Variants in SORCS2 observed in about 807,000 individuals in gnomAD.
The protein encoded by SORCS2 is VPS10 domain-containing receptor SorCS2.
Under a neutral mutation model 141.6 loss-of-function variants are expected in SORCS2, and 100 were observed. The observed-to-expected ratio is 0.71, with a 90% CI of 0.60 to 0.83. The LOEUF is 0.83. Ranked by LOEUF, SORCS2 falls within the 40% of genes least tolerant of loss-of-function variation. SORCS2 has a pLI of 0.00. For missense variants in SORCS2, 1,646 were observed against 1,560.2 expected, an observed-to-expected ratio of 1.05 and a Z score of -0.93; for synonymous variants, 789 against 676.9, an observed-to-expected ratio of 1.17 and a Z score of -2.57.
At chr4:7,488,176 G>A (rs1731108053) in intron 2 of SORCS2, among the ~76,000 whole-genome samples, 1 of 152,206 alleles carries the variant, frequency 6.6e-6, no homozygotes, top group South Asian at 2.1e-4. Flanking sequence ...CTCAGGCAAG[G>A]GCCAGGCTCC....
intron 2 of SORCS2, among the ~76,000 whole-genome samples, chr4:7,526,841 G>C (rs62280206): frequency 0.058 from 8,875 of 152,304 alleles, 286 homozygotes; most frequent in South Asian, 0.075. Flanking sequence ...TTAAAATAAA[G>C]AACAGGTGAA....
intron 10 of SORCS2, among the ~76,000 whole-genome samples, chr4:7,687,956 A>G (rs1259400728): frequency 6.6e-6 from 1 of 152,206 alleles, no homozygotes; most frequent in Non-Finnish European, 1.5e-5. Context: ...GGCATTGCTC[A>G]TGGGTGAATC....
chr4:7,526,294 C>T (rs1338038351), intron 2 of SORCS2, among the ~76,000 whole-genome samples: 1 of 152,210 alleles, frequency 6.6e-6, no homozygotes, highest in African/African-American at 2.4e-5. Context: ...GGAATAGAAT[C>T]GGAGCCATTG....
At chr4:7,508,656 T>C (rs1450729438) in intron 2 of SORCS2, among the ~76,000 whole-genome samples, 1 of 152,162 alleles carries the variant, frequency 6.6e-6, no homozygotes, top group Non-Finnish European at 1.5e-5. Context: ...TTTATACTTA[T>C]TTTTCTTCTA....
intron 3 of SORCS2, among the ~76,000 whole-genome samples, chr4:7,583,592 G>A (rs1716326371): frequency 6.6e-6 from 1 of 152,170 alleles, no homozygotes; most frequent in Admixed American, 6.5e-5. Context: ...CTGTTCTCAT[G>A]GTAGTGAATA....
At chr4:7,391,224 C>T (rs530863465) in intron 1 of SORCS2, among the ~76,000 whole-genome samples, 1 of 152,324 alleles carries the variant, frequency 6.6e-6, no homozygotes, top group East Asian at 1.9e-4. Flanking sequence ...TCATGCTGTT[C>T]ACAGGTGAAG....
intron 1 of SORCS2, among the ~76,000 whole-genome samples, chr4:7,251,876 G>A (rs7659846): frequency 0.15 from 23,012 of 152,100 alleles, 1,990 homozygotes; most frequent in African/African-American, 0.23. Flanking sequence ...ATTGCATCCG[G>A]GACAGAATTG....
chr4:7,466,766 G>C (rs112628488), intron 2 of SORCS2, among the ~76,000 whole-genome samples: 1,540 of 152,292 alleles, frequency 0.01, 21 homozygotes, highest in African/African-American at 0.035. Context: ...CAGCTTTCTG[G>C]CTGGGCGATT....
chr4:7,468,474 G>A (rs1729754375), intron 2 of SORCS2, among the ~76,000 whole-genome samples: 1 of 152,242 alleles, frequency 6.6e-6, no homozygotes, highest in Non-Finnish European at 1.5e-5. Flanking sequence ...AAAAAGATGT[G>A]TGCATAGCGT....
At chr4:7,675,788 G>A (rs1723064501) in intron 8 of SORCS2, among the ~76,000 whole-genome samples, 1 of 152,160 alleles carries the variant, frequency 6.6e-6, no homozygotes, top group African/African-American at 2.4e-5. Context: ...GTGTCCCCAG[G>A]CCACCCTCCC....
chr4:7,251,684 C>A (rs537531434), intron 1 of SORCS2, among the ~76,000 whole-genome samples: 1 of 152,166 alleles, frequency 6.6e-6, no homozygotes, highest in Non-Finnish European at 1.5e-5. Context: ...ATCACGTCTG[C>A]ATTCCAGGCA....
At chr4:7,311,747 T>C (rs1311977472) in intron 1 of SORCS2, among the ~76,000 whole-genome samples, 1 of 152,260 alleles carries the variant, frequency 6.6e-6, no homozygotes, top group Admixed American at 6.5e-5. Flanking sequence ...TTTGCTTTTG[T>C]CATGGTTATA....
At chr4:7,584,819 C>T (rs1716426619) in intron 3 of SORCS2, among the ~76,000 whole-genome samples, 2 of 152,190 alleles carry the variant, frequency 1.3e-5, no homozygotes, top group Non-Finnish European at 2.9e-5. Context: ...GAAATAAATG[C>T]TCCCATTACC....
intron 1 of SORCS2, among the ~76,000 whole-genome samples, chr4:7,256,382 A>G (rs1713873014): frequency 6.6e-6 from 1 of 152,224 alleles, no homozygotes. Context: ...CCAATTAAAA[A>G]TTAAAAAACA....
At chr4:7,649,750 G>A (rs979850148) in intron 4 of SORCS2, among the ~76,000 whole-genome samples, 3 of 152,150 alleles carry the variant, frequency 2.0e-5, no homozygotes, top group African/African-American at 7.2e-5. Context: ...GGCTGCACAG[G>A]GTTGGGCTTG....
At chr4:7,297,795 C>T (rs1432131562) in intron 1 of SORCS2, among the ~76,000 whole-genome samples, 1 of 152,188 alleles carries the variant, frequency 6.6e-6, no homozygotes, top group African/African-American at 2.4e-5. Context: ...GCCAGTGGTG[C>T]TGCCTGGGGT....
chr4:7,642,779 C>A (rs1720829462), intron 4 of SORCS2, among the ~76,000 whole-genome samples: 1 of 152,120 alleles, frequency 6.6e-6, no homozygotes, highest in Admixed American at 6.5e-5. Context: ...ATATGAGGCT[C>A]CTGGTTACTG....
chr4:7,724,208 C>G (rs1007774931), intron 19 of SORCS2, among the ~76,000 whole-genome samples: 1 of 131,756 alleles, frequency 7.6e-6, no homozygotes, highest in Admixed American at 7.4e-5. Flanking sequence ...GGTGATGGTA[C>G]TAATGATGAT....
chr4:7,194,669 A>G (rs1231778370), intron 1 of SORCS2, among the ~76,000 whole-genome samples: 1 of 151,892 alleles, frequency 6.6e-6, no homozygotes, highest in African/African-American at 2.4e-5. Context: ...CCTCCCTAGA[A>G]GAGCCCTAGA....
Sources: gnomAD v4.1 joint callset for allele counts (sites outside exome capture counted in the v4.1 genomes callset) on GRCh38, gnomAD v4.1.1 for gene constraint, MANE v1.5 for transcripts, NCBI Gene and HGNC (gene_info 2026-07-23, HGNC 2026-07-21) for gene names.